The following TP73 variants were observed in gnomAD, a reference collection of about 807,000 sequenced individuals.
The protein encoded by TP73 is tumor protein p73, also known as p53-like transcription factor.
In TP73, 25 loss-of-function variants were observed where a neutral mutation model predicts 62.5. The observed-to-expected ratio is 0.40, with a 90% confidence interval of 0.29 to 0.56. The LOEUF (loss-of-function observed/expected upper bound fraction) is 0.56, where lower values mean the gene tolerates loss of function less well. TP73 is among the 20% of genes least tolerant of loss of function. TP73 has a pLI of 0.46. For missense variants in TP73, 754 were observed against 913.3 expected (o/e 0.83, Z 2.25); for synonymous variants, 423 against 377.5 (o/e 1.12, Z -1.40).
rs2124449360 is a variant in TP73 at position 3,716,658 on chromosome 1, C to G, written c.430-5363C>G. On this transcript the variant is annotated intron_variant, in intron 4 of 13. Transcript: ENST00000378295. ...GACTGTGCACCAGTGAAGGCCACAG[C>G]CTCCCACGAAGGGGGCTGTCACCAA... is the stretch of plus-strand genomic sequence containing the variant. Among the ~76,000 whole-genome samples the G allele has an allele frequency of 1.3e-5, 2 of 152,344 alleles. 1 individual carries two copies. Among genetic ancestry groups the G allele is most frequent in the East Asian group, 3.9e-4 (2 of 5,182 alleles).
chr1:3,717,078 TA>T (rs1640658804), intron 4 of TP73, among the ~76,000 whole-genome samples: 1 of 152,224 alleles, frequency 6.6e-6, no homozygotes, highest in Admixed American at 6.5e-5. Context: ...CCACGCTGGT[TA>T]ACGGTATTTG....
In TP73 at chr1:3,688,741, G is replaced by A. The variant is rs181583679; in HGVS notation, c.186+5561G>A. Among the ~76,000 whole-genome samples, 435 of 152,310 alleles carry A rather than the reference G, an allele frequency of 2.9e-3. 1 individual carries two copies. Among genetic ancestry groups the A allele is most frequent in the African/African-American group, 0.01 (425 of 41,554 alleles). ...TTGGGTGCTTTTGAGTTGGAAACGT[G>A]TAGCTCAGCCGCACTGGGATCCCCG... is the stretch of plus-strand genomic sequence containing the variant. On this transcript the variant is annotated intron_variant, in intron 3 of 13. Coordinates refer to ENST00000378295, the MANE Select transcript of TP73 (RefSeq NM_005427.4).
chr1:3,731,359 C>G, intron 12 of TP73, 104 bp from the exon 13 acceptor site: 1 of 1,205,870 alleles, frequency 8.3e-7, no homozygotes, highest in Non-Finnish European at 1.2e-6. Flanking sequence ...CCTTCGGAGA[C>G]AGCGGCAGTC....
rs1254697409 is a variant in TP73, at chr1:3,733,102, G to C, written c.*23G>C. ...TGAGGGCCTCGCCTGGCTGCAGCCT[G>C]CGCCACCGCCCAGAGACCCAAGCTG... On this transcript the variant is annotated 3_prime_UTR_variant, in exon 14 of 14. Coordinates refer to ENST00000378295, the MANE Select transcript of TP73 (RefSeq NM_005427.4). The C allele has an allele frequency of 2.6e-6, 4 of 1,511,246 alleles. No homozygotes were observed. Among genetic ancestry groups the C allele is most frequent in the Middle Eastern group, 1.7e-4 (1 of 5,918 alleles). The allele number at this position is 1,511,246 out of a possible 1,614,324, so 93.6% of individuals were successfully genotyped here. A position where few individuals can be genotyped will look rare whatever the true frequency, so the allele number is the denominator to read the frequency against.
intron 4 of TP73, among the ~76,000 whole-genome samples, chr1:3,711,764 C>A (rs1341314809): frequency 6.6e-6 from 1 of 152,212 alleles, no homozygotes; most frequent in Non-Finnish European, 1.5e-5. Flanking sequence ...TTCCTCCAGA[C>A]AGAAAGATGG....
intron 3 of TP73, among the ~76,000 whole-genome samples, chr1:3,688,462 G>A (rs748843234): frequency 3.3e-4 from 50 of 152,112 alleles, no homozygotes; most frequent in Non-Finnish European, 6.5e-4. Context: ...GAAGAGTGCC[G>A]TGGCCTGCGG....
At chr1:3,720,068 G>T (rs144598703) in intron 4 of TP73, among the ~76,000 whole-genome samples, 2 of 152,048 alleles carry the variant, frequency 1.3e-5, no homozygotes, top group Non-Finnish European at 2.9e-5. Context: ...GACTACAGGC[G>T]CCCGCCACCT....
chr1:3,673,208 TG>T (rs1645283243), intron 1 of TP73, among the ~76,000 whole-genome samples: 2 of 152,038 alleles, frequency 1.3e-5, no homozygotes, highest in Non-Finnish European at 2.9e-5. Flanking sequence ...ACTGTAAAAG[TG>T]GGGTGAGACA....
Position 3,719,567 on chromosome 1 carries a change from G to T in TP73, c.430-2454G>T, listed in dbSNP as rs576481318. 1.5e-3 allele frequency among the ~76,000 whole-genome samples: 231 copies of T among 152,350 alleles called. 1 individual carries two copies. The highest frequency in any genetic ancestry group is 5.4e-3 in the African/African-American group (224 of 41,588). ...TGGACACAGGCCACTGCAAGTTTGG[G>T]CCAAGAGCCCTCCCTGTCTGAGTCT... is the stretch of plus-strand genomic sequence containing the variant. On this transcript the variant is annotated intron_variant, in intron 4 of 13. Transcript: ENST00000378295.
intron 11 of TP73, among the ~76,000 whole-genome samples, chr1:3,730,616 G>A (rs968912804): frequency 1.3e-5 from 2 of 152,170 alleles, no homozygotes; most frequent in African/African-American, 4.8e-5. Flanking sequence ...CCAGTGCCGT[G>A]AGCAAGCACC....
intron 6 of TP73, among the ~76,000 whole-genome samples, chr1:3,725,463 G>A (rs1641432272): frequency 6.8e-6 from 1 of 147,478 alleles, no homozygotes; most frequent in Non-Finnish European, 1.5e-5. Context: ...GGATAAATGG[G>A]GTGGGTGGGT....
intron 1 of TP73, among the ~76,000 whole-genome samples, chr1:3,680,608 C>T (rs1478941084): frequency 6.6e-6 from 1 of 152,214 alleles, no homozygotes; most frequent in Non-Finnish European, 1.5e-5. Context: ...GGCCCACATA[C>T]CTGCACCAAG....
intron 1 of TP73, among the ~76,000 whole-genome samples, chr1:3,675,629 G>A (rs1003978754): frequency 1.6e-4 from 24 of 152,078 alleles, no homozygotes; most frequent in Admixed American, 1.0e-3. Context: ...CGGACGGCTC[G>A]GTCTCAGAGC....
At position 3,690,023 on chromosome 1, in the gene TP73, G is replaced by A. The variant is rs575457863; in HGVS notation, c.186+6843G>A. On this transcript the variant is annotated intron_variant, in intron 3 of 13. Coordinates refer to ENST00000378295, the MANE Select transcript of TP73 (RefSeq NM_005427.4). Reference sequence around the variant, plus strand: ...ACCACTGCAGAGCCCCTCCCTGGCTGTGCCAAGGCCGTCCACGCCTGCAGG... The same window carrying A: ...ACCACTGCAGAGCCCCTCCCTGGCTATGCCAAGGCCGTCCACGCCTGCAGG... Among the ~76,000 whole-genome samples the A allele has an allele frequency of 9.4e-4, 143 of 152,334 alleles. 1 individual carries two copies. Among genetic ancestry groups the A allele is most frequent in the Non-Finnish European group, 1.7e-3 (114 of 68,024 alleles).
chr1:3,735,419 G>C lies in TP73; in HGVS notation c.*2340G>C, dbSNP rs1459301345. On this transcript the variant is annotated 3_prime_UTR_variant, in exon 14 of 14. Coordinates refer to ENST00000378295, the MANE Select transcript of TP73 (RefSeq NM_005427.4). ...GCTGGGGGGGCTGGGAGAGGCCCAGGGGCAGCTGTCACTGGAACCCCAGCC... is the reference window on the plus strand; with the variant it reads ...GCTGGGGGGGCTGGGAGAGGCCCAGCGGCAGCTGTCACTGGAACCCCAGCC... 6.6e-6 allele frequency: 1 copy of C among 152,422 alleles called. No homozygotes were observed. Among genetic ancestry groups the C allele is most frequent in the East Asian group, 1.9e-4 (1 of 5,194 alleles). The allele number at this position is 152,422 out of a possible 1,614,324, so 9.4% of individuals were successfully genotyped here. A position where few individuals can be genotyped will look rare whatever the true frequency, so the allele number is the denominator to read the frequency against.
rs533012513 is a variant in TP73 at position 3,701,291 on chromosome 1, C to T, written c.187-6258C>T. ...CCTCTGCGTAGTGAATCTGGATTCC[C>T]GTCCCTGTTCCTCGGCGGAGCCTGC... On this transcript the variant is annotated intron_variant, in intron 3 of 13. Transcript: ENST00000378295. This position sits in a 1 kb window ranked among gnomAD's most constrained non-coding sequence, Gnocchi z 4.7. Among the ~76,000 whole-genome samples the T allele has an allele frequency of 5.9e-5, 9 of 152,228 alleles. No homozygotes were observed. In the South Asian group the frequency reaches 6.2e-4, roughly 11 times the overall value.
At chr1:3,716,288 A>C (rs1334855578) in intron 4 of TP73, among the ~76,000 whole-genome samples, 2 of 152,162 alleles carry the variant, frequency 1.3e-5, no homozygotes, top group East Asian at 3.9e-4. Context: ...CAGCCCCCCC[A>C]GCCAGGAGCT....
At chr1:3,657,787 T>A (rs1644896464) in intron 1 of TP73, among the ~76,000 whole-genome samples, 1 of 151,980 alleles carries the variant, frequency 6.6e-6, no homozygotes, top group Non-Finnish European at 1.5e-5. Context: ...CCCCAGCACC[T>A]CCCGCCTGGC....
chr1:3,726,288 GTGGA>G (rs138461490), intron 6 of TP73, among the ~76,000 whole-genome samples: 2,348 of 32,158 alleles, frequency 0.073, 123 homozygotes, highest in East Asian at 0.24. Context: ...GGGTGGGTGG[GTGGA>G]TGGATGGATG....
Sources: allele counts gnomAD v4.1 joint callset (sites outside exome capture counted in the v4.1 genomes callset), GRCh38; gene constraint gnomAD v4.1.1; non-coding constraint Gnocchi (gnomAD v3.1); transcripts MANE v1.5; gene names NCBI Gene and HGNC (gene_info 2026-07-23, HGNC 2026-07-21).